The following MEGF11 variants were observed in gnomAD, a reference collection of about 807,000 sequenced individuals.
MEGF11 encodes the protein multiple EGF like domains 11.
MEGF11 carries 126 observed loss-of-function variants against 146.6 expected under a neutral mutation model. The observed-to-expected ratio is 0.86, with a 90% CI of 0.74 to 1.00. The LOEUF is 1.00. Among genes scored for constraint, MEGF11 ranks in the 50% least tolerant of loss-of-function variants. The probability of loss-of-function intolerance (pLI) is 0.00; values close to 1 mark genes in which losing one functional copy is unlikely to be tolerated. For missense variants in MEGF11, 1,509 were observed against 1,521.2 expected, an observed-to-expected ratio of 0.99 and a Z score of 0.13; for synonymous variants, 532 against 583.4, an observed-to-expected ratio of 0.91 and a Z score of 1.27.
intron 20 of MEGF11, chr15:65,913,378 C>T (rs1162282544): frequency 1.1e-5 from 4 of 356,466 alleles, no homozygotes; most frequent in South Asian, 3.8e-5. Flanking sequence ...AAGGTCTAGC[C>T]TCCTGAGGTG....
intron 1 of MEGF11, among the ~76,000 whole-genome samples, chr15:66,226,578 G>A (rs1013521623): frequency 1.1e-4 from 16 of 152,012 alleles, no homozygotes; most frequent in East Asian, 1.9e-4. Context: ...GCCCCAAAGC[G>A]CAACAGTAGT....
intron 1 of MEGF11, among the ~76,000 whole-genome samples, chr15:66,218,915 A>G (rs1483835220): frequency 3.3e-5 from 5 of 149,772 alleles, no homozygotes; most frequent in African/African-American, 7.4e-5. Flanking sequence ...GAAGCTTAAA[A>G]ATGTTGGAAG....
chr15:65,994,062 G>T (rs547973023), intron 5 of MEGF11, among the ~76,000 whole-genome samples: 1 of 152,216 alleles, frequency 6.6e-6, no homozygotes, highest in Non-Finnish European at 1.5e-5. Context: ...CTCCAGAGCT[G>T]CTGTGTTTTC....
intron 1 of MEGF11, among the ~76,000 whole-genome samples, chr15:66,228,003 C>T (rs1158841839): frequency 6.6e-6 from 1 of 152,136 alleles, no homozygotes; most frequent in Non-Finnish European, 1.5e-5. Flanking sequence ...AGTCCAGGTT[C>T]CTATTCCTGC....
chr15:65,938,965 G>A (rs1596872142), intron 10 of MEGF11, among the ~76,000 whole-genome samples: 1 of 152,322 alleles, frequency 6.6e-6, no homozygotes, highest in African/African-American at 2.4e-5. Context: ...TTCTCATGTT[G>A]ATCATCTGTT....
rs776337050 is a variant in MEGF11, at chr15:65,918,017, C to T, written c.2035G>A (p.Asp679Asn). The change falls in exon 16 of 26, where the codon GAT becomes AAT. Residue 679 changes from aspartate to asparagine, a missense_variant. Coordinates refer to ENST00000395614, the MANE Select transcript of MEGF11 (RefSeq NM_001385028.1). Reference protein sequence around the residue: ...CANNGTCSPIDGSCQCFPGWI... With the variant: ...CANNGTCSPINGSCQCFPGWI... The stretch of plus-strand genomic sequence containing the variant: ...CCAGGAAAGCACTGGCAGGAGCCAT[C>T]GATAGGGCTGCAGGTCCCGTTGTTG... 9 of 1,613,862 alleles carry T rather than the reference C, an allele frequency of 5.6e-6. No homozygotes were observed. The highest frequency in any genetic ancestry group is 2.7e-5 in the African/African-American group (2 of 74,912).
At chr15:66,171,032 C>T (rs962916951) in intron 1 of MEGF11, among the ~76,000 whole-genome samples, 1 of 152,250 alleles carries the variant, frequency 6.6e-6, no homozygotes, top group African/African-American at 2.4e-5. Flanking sequence ...CCCTCCCTCC[C>T]TTTCAGGTTT....
chr15:65,973,971 G>C lies in MEGF11; in HGVS notation c.763-3282C>G, dbSNP rs73481616. ...CTTAAAATTACATGCATGAGTCTTA[G>C]GTTTTTAACAGATCTGAGCCTGCTC... On this transcript the variant is annotated intron_variant, in intron 7 of 25. Transcript: ENST00000395614. Among the ~76,000 whole-genome samples the C allele has an allele frequency of 2.8e-3, 430 of 152,262 alleles. 1 individual carries two copies. The highest frequency in any genetic ancestry group is 0.01 in the African/African-American group (418 of 41,540).
intron 4 of MEGF11, among the ~76,000 whole-genome samples, chr15:66,101,813 G>T (rs2086821479): frequency 6.6e-6 from 1 of 152,150 alleles, no homozygotes; most frequent in African/African-American, 2.4e-5. Context: ...CAAATCCCTA[G>T]ATGGCAAAAT....
At chr15:66,219,237 T>A (rs932010052) in intron 1 of MEGF11, among the ~76,000 whole-genome samples, 2 of 152,180 alleles carry the variant, frequency 1.3e-5, no homozygotes, top group Admixed American at 1.3e-4. Context: ...AATTAAGTGC[T>A]CTGCAAAAGA....
chr15:66,198,531 G>A (rs1231200773), intron 1 of MEGF11, among the ~76,000 whole-genome samples: 1 of 152,154 alleles, frequency 6.6e-6, no homozygotes, highest in Non-Finnish European at 1.5e-5. Context: ...TGTCGCCCAG[G>A]CTGGAGTGCA....
intron 24 of MEGF11, among the ~76,000 whole-genome samples, chr15:65,899,855 G>T (rs541337984): frequency 6.6e-6 from 1 of 152,150 alleles, no homozygotes; most frequent in South Asian, 2.1e-4. Context: ...TTGTATAGTT[G>T]TACCATCCCC....
intron 1 of MEGF11, among the ~76,000 whole-genome samples, chr15:66,172,945 C>T (rs184202875): frequency 2.2e-4 from 34 of 152,310 alleles, no homozygotes; most frequent in African/African-American, 5.8e-4. Flanking sequence ...TTCTGTCCCT[C>T]CTGACCGCAG....
chr15:66,210,501 T>C lies in MEGF11; in HGVS notation c.-9+43104A>G, dbSNP rs559108149. Among the ~76,000 whole-genome samples, 630 of 152,232 alleles carry C rather than the reference T, an allele frequency of 4.1e-3. 3 individuals carry two copies. Among genetic ancestry groups the C allele is most frequent in the Non-Finnish European group, 6.6e-3 (452 of 67,996 alleles). ...CTAAGGGGAGCAGGGGTGGGAATCATCTCGATGCTCCACCACCAACCACCT... is the reference window on the plus strand; with the variant it reads ...CTAAGGGGAGCAGGGGTGGGAATCACCTCGATGCTCCACCACCAACCACCT... On this transcript the variant is annotated intron_variant, in intron 1 of 25. Transcript: ENST00000395614.
At chr15:66,100,373 C>T (rs576167042) in intron 4 of MEGF11, among the ~76,000 whole-genome samples, 1 of 152,190 alleles carries the variant, frequency 6.6e-6, no homozygotes, top group South Asian at 2.1e-4. Context: ...TCTCCGGCAC[C>T]CCATAGAGAG....
chr15:66,058,147 G>A (rs181964636), intron 5 of MEGF11, among the ~76,000 whole-genome samples: 3 of 152,076 alleles, frequency 2.0e-5, no homozygotes, highest in African/African-American at 7.2e-5. Context: ...TCAATGAGAT[G>A]GGCTCACAGA....
At position 66,177,297 on chromosome 15, in the gene MEGF11, G is replaced by A. The variant is rs369842630; in HGVS notation, c.-8-48886C>T. 4.3e-4 allele frequency among the ~76,000 whole-genome samples: 66 copies of A among 152,282 alleles called. No homozygotes were observed. In the East Asian group the frequency reaches 0.012, roughly 28 times the overall value. On this transcript the variant is annotated intron_variant, in intron 1 of 25. Coordinates refer to ENST00000395614, the MANE Select transcript of MEGF11 (RefSeq NM_001385028.1). ...GAACCAGACAGCTAAATGGGTTATC[G>A]AGAAATTACAAGAGGCTTTAAAAAG... is the stretch of plus-strand genomic sequence containing the variant.
rs757740490 is a variant in MEGF11, at chr15:65,964,897, C to CA, written c.1112+10_1112+11insT. 1 of 1,471,272 alleles carries CA rather than the reference C, an allele frequency of 6.8e-7. No homozygotes were observed. The highest frequency in any genetic ancestry group is 9.0e-7 in the Non-Finnish European group (1 of 1,106,860). 91.1% of individuals were successfully genotyped at this position (1,471,272 alleles called of 1,614,324 possible). On this transcript the variant is annotated intron_variant, in intron 9 of 25. Transcript: ENST00000395614. ...GCCCTTGTCCCGGGCTCGCCCATTCCCAGCTCATACCTGATGGTGTTGTCA... is the reference window on the plus strand; with the variant it reads ...GCCCTTGTCCCGGGCTCGCCCATTCCACAGCTCATACCTGATGGTGTTGTCA...
chr15:66,079,945 C>T (rs1054822008), intron 5 of MEGF11, among the ~76,000 whole-genome samples: 4 of 152,224 alleles, frequency 2.6e-5, no homozygotes, highest in African/African-American at 4.8e-5. Flanking sequence ...TCCCCTTTCC[C>T]GTTTCTCCTG....
Sources: gnomAD v4.1 joint callset for allele counts (sites outside exome capture counted in the v4.1 genomes callset) on GRCh38, gnomAD v4.1.1 for gene constraint, MANE v1.5 for transcripts, NCBI Gene and HGNC (gene_info 2026-07-23, HGNC 2026-07-21) for gene names.